Variants in ERC1 observed in about 807,000 individuals in gnomAD.
The protein encoded by ERC1 is ELKS/RAB6-interacting/CAST family member 1.
A neutral mutation model predicts 132.0 loss-of-function variants in ERC1; 56 were observed. That is an observed-to-expected ratio of 0.42 (90% CI 0.34 to 0.53). ERC1 has a LOEUF of 0.53. ERC1 is among the 20% of genes least tolerant of loss of function. The pLI is 0.03. For synonymous variants in ERC1, 478 were observed against 476.1 expected (o/e 1.00, Z -0.05); for missense variants, 1,202 against 1,349.9 (o/e 0.89, Z 1.72).
At chr12:1,084,961 G>T (rs1942784998) in intron 3 of ERC1, among the ~76,000 whole-genome samples, 2 of 65,578 alleles carry the variant, frequency 3.0e-5, no homozygotes, top group Non-Finnish European at 7.8e-5. Context: ...CTTGGCTTCT[G>T]AAAGTGCTGA....
At chr12:1,148,240 G>A (rs1478689794) in intron 8 of ERC1, among the ~76,000 whole-genome samples, 1 of 152,154 alleles carries the variant, frequency 6.6e-6, no homozygotes, top group Non-Finnish European at 1.5e-5. Flanking sequence ...CTGAGACTAA[G>A]TAATTTATGA....
At chr12:1,084,268 T>C (rs1301216118) in intron 3 of ERC1, among the ~76,000 whole-genome samples, 1 of 152,228 alleles carries the variant, frequency 6.6e-6, no homozygotes, top group Non-Finnish European at 1.5e-5. Context: ...ATAATAACTT[T>C]TCTATATATA....
At chr12:1,124,754 C>G (rs968330377) in intron 7 of ERC1, among the ~76,000 whole-genome samples, 14 of 151,930 alleles carry the variant, frequency 9.2e-5, no homozygotes, top group Admixed American at 7.9e-4. Flanking sequence ...GAAGTAACTA[C>G]TAGTACTACA....
At chr12:1,423,480 G>T (rs1015448007) in intron 17 of ERC1, among the ~76,000 whole-genome samples, 2 of 152,064 alleles carry the variant, frequency 1.3e-5, no homozygotes, top group African/African-American at 4.8e-5. Flanking sequence ...TGAGACTGTT[G>T]TTTTATGGCC....
At chr12:1,378,755 A>G (rs886774671) in intron 16 of ERC1, among the ~76,000 whole-genome samples, 11 of 152,216 alleles carry the variant, frequency 7.2e-5, no homozygotes, top group Non-Finnish European at 1.5e-4. Flanking sequence ...ACAGAGGACT[A>G]AATTTTCTTA....
chr12:1,041,578 G>A (rs1254602390), intron 2 of ERC1, among the ~76,000 whole-genome samples: 1 of 152,216 alleles, frequency 6.6e-6, no homozygotes, highest in Non-Finnish European at 1.5e-5. Context: ...TCTGCCTCTT[G>A]TAAGAGGCTG....
At chr12:1,151,184 G>C (rs1257969994) in intron 8 of ERC1, among the ~76,000 whole-genome samples, 1 of 152,202 alleles carries the variant, frequency 6.6e-6, no homozygotes, top group East Asian at 1.9e-4. Context: ...TTTTGAGAGA[G>C]CTCAAAAATA....
chr12:1,013,546 A>T (rs1322535352), intron 1 of ERC1, among the ~76,000 whole-genome samples: 1 of 152,088 alleles, frequency 6.6e-6, no homozygotes. Flanking sequence ...ATGCTCTGAA[A>T]CAGTGCTGCT....
At position 1,375,886 on chromosome 12, in the gene ERC1, G is replaced by A. The variant is rs181494828; in HGVS notation, c.2925+3909G>A. On this transcript the variant is annotated intron_variant, in intron 16 of 18. Transcript: ENST00000360905. ...CGAGTAGCTGGGATTATGGGTGCCCGCCACCGCGCCCGGCTAATTTTTTGT... is the reference window on the plus strand; with the variant it reads ...CGAGTAGCTGGGATTATGGGTGCCCACCACCGCGCCCGGCTAATTTTTTGT... Among the ~76,000 whole-genome samples the A allele has an allele frequency of 8.0e-4, 122 of 151,954 alleles. 2 individuals carry two copies. The highest frequency in any genetic ancestry group is 2.7e-3 in the African/African-American group (110 of 41,412).
intron 7 of ERC1, among the ~76,000 whole-genome samples, chr12:1,131,346 A>T (rs1948741672): frequency 6.6e-6 from 1 of 152,224 alleles, no homozygotes; most frequent in Non-Finnish European, 1.5e-5. Flanking sequence ...CAAAGCCAAG[A>T]GGGGAATGAT....
At chr12:1,310,708 T>A (rs1188948334) in intron 15 of ERC1, among the ~76,000 whole-genome samples, 1 of 152,258 alleles carries the variant, frequency 6.6e-6, no homozygotes, top group African/African-American at 2.4e-5. Flanking sequence ...ATTTTCCGTA[T>A]TTATCCTCTT....
chr12:1,487,903 C>T (rs991993278), intron 18 of ERC1, among the ~76,000 whole-genome samples: 4 of 152,000 alleles, frequency 2.6e-5, no homozygotes, highest in Non-Finnish European at 5.9e-5. Flanking sequence ...CTTTGGGAGG[C>T]CGAGGCGGGC....
At chr12:1,073,905 T>TCGC (rs1191867473) in intron 2 of ERC1, among the ~76,000 whole-genome samples, 1 of 129,110 alleles carries the variant, frequency 7.7e-6, no homozygotes, top group Non-Finnish European at 1.6e-5. Flanking sequence ...TCTTGCTGTG[T>TCGC]CGCTAGGCTG....
chr12:1,327,773 A>G, intron 15 of ERC1, among the ~76,000 whole-genome samples: 1 of 152,206 alleles, frequency 6.6e-6, no homozygotes, highest in East Asian at 1.9e-4. Flanking sequence ...GCCCCTATCA[A>G]CTGCCAACTG....
At chr12:1,464,234 G>C (rs2093697879) in intron 18 of ERC1, among the ~76,000 whole-genome samples, 1 of 152,184 alleles carries the variant, frequency 6.6e-6, no homozygotes, top group Admixed American at 6.5e-5. Flanking sequence ...GAGAAGGAAA[G>C]AGAAAATATT....
In ERC1 at chr12:1,408,178, C is replaced by T. The variant is rs2091627249; in HGVS notation, c.2955C>T (p.Asp985=). 2 of 1,613,838 alleles carry T rather than the reference C, an allele frequency of 1.2e-6. No individual in the cohort carries two copies. The highest frequency in any genetic ancestry group is 1.1e-5 in the South Asian group (1 of 91,054). ...QTQNRMKLMA[D]NYEDDHFKSS... ...AAAATCGAATGAAGCTAATGGCCGA[C>T]AACTACGAGGATGACCACTTCAAAT... Residue 985 remains aspartate (D), a synonymous_variant, in exon 17 of 19, where the codon GAC becomes GAT. Coordinates refer to ENST00000360905, the MANE Select transcript of ERC1 (RefSeq NM_178040.4).
intron 12 of ERC1, among the ~76,000 whole-genome samples, chr12:1,207,719 TG>T (rs769408206): frequency 1.2e-4 from 18 of 152,296 alleles, no homozygotes; most frequent in Non-Finnish European, 2.4e-4. Context: ...AAATGGTAAA[TG>T]TTTTTTTAGA....
chr12:1,289,969 C>G lies in ERC1; in HGVS notation c.2737C>G (p.Arg913Gly). 2 of 1,614,092 alleles carry G rather than the reference C, an allele frequency of 1.2e-6. No homozygotes were observed. The highest frequency in any genetic ancestry group is 2.2e-5 in the South Asian group (2 of 91,074). The change falls in exon 15 of 19, where the codon CGG becomes GGG. Residue 913 changes from arginine (R) to glycine (G), a missense_variant. Coordinates refer to ENST00000360905, the MANE Select transcript of ERC1 (RefSeq NM_178040.4). ...AEKETHLTNLRAERRKHLEEV... is the reference protein window; with the variant it reads ...AEKETHLTNLGAERRKHLEEV... ...AAAGGAAACTCACTTGACTAATCTT[C>G]GGGCAGAGAGAAGGAAACACTTAGA...
At chr12:1,165,072 A>G (rs1952268202) in intron 8 of ERC1, among the ~76,000 whole-genome samples, 1 of 152,218 alleles carries the variant, frequency 6.6e-6, no homozygotes. Context: ...CACAGAGTAT[A>G]AATGTAATTC....
Sources: gnomAD v4.1 joint callset for allele counts (sites outside exome capture counted in the v4.1 genomes callset) on GRCh38, gnomAD v4.1.1 for gene constraint, MANE v1.5 for transcripts, NCBI Gene and HGNC (gene_info 2026-07-23, HGNC 2026-07-21) for gene names.